TOR4A: variants seen among roughly 807,000 people sequenced by gnomAD.
TOR4A encodes torsin-4A.
A neutral mutation model predicts 11.5 loss-of-function variants in TOR4A; 12 were observed. The observed-to-expected ratio is 1.04, with a 90% CI of 0.67 to 1.69. TOR4A has a LOEUF of 1.69. Ranked by LOEUF, TOR4A falls within the 40% of genes most tolerant of loss-of-function variation. The pLI is 0.00. For synonymous variants in TOR4A, 362 were observed against 307.4 expected, an observed-to-expected ratio of 1.18 and a Z score of -1.86; for missense variants, 640 against 643.2, an observed-to-expected ratio of 0.99 and a Z score of 0.05.
At position 137,282,519 on chromosome 9, in the gene TOR4A, A is replaced by T. The variant is rs1830732959; in HGVS notation, c.*2558A>T. On this transcript the variant is annotated 3_prime_UTR_variant, in exon 2 of 2. Transcript: ENST00000357503. ...CCCGGCCTCTTTTTATTTATTCCTA[A>T]AATATTACCTTGAGGCCAAATTCTG... 1 of 166,898 alleles carries T rather than the reference A, an allele frequency of 6.0e-6. No individual in the cohort carries two copies. The highest frequency in any genetic ancestry group is 6.6e-5 in the Admixed American group (1 of 15,258). The allele number at this position is 166,898 out of a possible 1,614,324, so 10.3% of individuals were successfully genotyped here.
At position 137,279,713 on chromosome 9, in the gene TOR4A, G is replaced by A. The variant is rs372513147; in HGVS notation, c.1024G>A (p.Ala342Thr). The part of the protein sequence containing the change: ...AAAQAEEDLR[A>T]SLLAVLSREH... Reference sequence around the variant, plus strand: ...GGCGCAGGCGGAAGAAGACCTGCGCGCCAGCCTGCTGGCTGTGCTGTCCCG... The same window carrying A: ...GGCGCAGGCGGAAGAAGACCTGCGCACCAGCCTGCTGGCTGTGCTGTCCCG... Residue 342 changes from alanine (A) to threonine (T), a missense_variant, in exon 2 of 2, where the codon GCC becomes ACC. Physicochemically the swap from Ala to Thr is moderately conservative, Grantham distance 58. Coordinates refer to ENST00000357503, the MANE Select transcript of TOR4A (RefSeq NM_017723.3). 2.7e-4 allele frequency: 419 copies of A among 1,573,718 alleles called. 1 individual carries two copies. Among genetic ancestry groups the A allele is most frequent in the Non-Finnish European group, 3.0e-4 (345 of 1,166,406 alleles).
Position 137,280,492 on chromosome 9 carries a change from A to C in TOR4A, c.*531A>C, listed in dbSNP as rs73574789. 3,164 of 168,320 alleles carry C rather than the reference A, an allele frequency of 0.019. 92 individuals are homozygous for C. The highest frequency in any genetic ancestry group is 0.072 in the African/African-American group (2,978 of 41,438). 10.4% of individuals were successfully genotyped at this position (168,320 alleles called of 1,614,324 possible). ...CGTGTTTTCAGGAGCTCAAGGCTGG[A>C]GTGTCTTGACAGTAAGGGGAGGGGA... On this transcript the variant is annotated 3_prime_UTR_variant, in exon 2 of 2. Coordinates refer to ENST00000357503, the MANE Select transcript of TOR4A (RefSeq NM_017723.3).
intron 1 of TOR4A, among the ~76,000 whole-genome samples, chr9:137,278,364 C>T (rs1588194347): frequency 6.6e-6 from 1 of 152,282 alleles, no homozygotes; most frequent in East Asian, 1.9e-4. Flanking sequence ...CCGGGGCGGC[C>T]ACCAGATAAG....
chr9:137,279,763 G>A lies in TOR4A; in HGVS notation c.1074G>A (p.Ala358=). The A allele has an allele frequency of 1.3e-6, 2 of 1,585,102 alleles. No homozygotes were observed. Among genetic ancestry groups the A allele is most frequent in the South Asian group, 1.1e-5 (1 of 88,520 alleles). ...GGGAGCATCCGCTGTGGCAGGCCGCGGCCATCGTGCCGTTTCTGCTGCTGG... is the reference window on the plus strand; with the variant it reads ...GGGAGCATCCGCTGTGGCAGGCCGCAGCCATCGTGCCGTTTCTGCTGCTGG... The part of the protein sequence containing the change: ...LSREHPLWQA[A]AIVPFLLLDK... The change falls in exon 2 of 2, where the codon GCG becomes GCA. Residue 358 remains alanine, a synonymous_variant. Coordinates refer to ENST00000357503, the MANE Select transcript of TOR4A (RefSeq NM_017723.3).
chr9:137,281,210 G>A lies in TOR4A; in HGVS notation c.*1249G>A, dbSNP rs1407046990. The A allele has an allele frequency of 6.0e-5, 10 of 166,034 alleles. No individual in the cohort carries two copies. The highest frequency in any genetic ancestry group is 5.9e-4 in the Admixed American group (9 of 15,284). The allele number at this position is 166,034 out of a possible 1,614,324, so 10.3% of individuals were successfully genotyped here. A position where few individuals can be genotyped will look rare whatever the true frequency, so the allele number is the denominator to read the frequency against. Reference sequence around the variant, plus strand: ...ACCAGTCCCGAAAGGGGCTCAGAGGGCAGCGAGGAGGTTTCACGCCGGTGC... The same window carrying A: ...ACCAGTCCCGAAAGGGGCTCAGAGGACAGCGAGGAGGTTTCACGCCGGTGC... On this transcript the variant is annotated 3_prime_UTR_variant, in exon 2 of 2. Transcript: ENST00000357503.
rs1206156089 is a variant in TOR4A, at chr9:137,279,543, C to T, written c.854C>T (p.Pro285Leu). ...GACGAGCTGCACGGCTTCCTGCAGC[C>T]GCAGCGCTCCCACCACTTCCACAAC... is the stretch of plus-strand genomic sequence containing the variant. ...LLDELHGFLQ[P>L]QRSHHFHNAI... is the part of the protein sequence containing the mutation. The change falls in exon 2 of 2, where the codon CCG (proline) becomes CTG (leucine). Residue 285 changes from proline (P) to leucine (L), a missense_variant. By Grantham distance (98) the Pro-to-Leu change is moderately conservative. Transcript: ENST00000357503. The T allele has an allele frequency of 4.4e-6, 7 of 1,586,982 alleles. No individual in the cohort carries two copies. The highest frequency in any genetic ancestry group is 6.0e-6 in the Non-Finnish European group (7 of 1,170,454).
In TOR4A at chr9:137,279,975, C is replaced by T. The variant is rs113562949; in HGVS notation, c.*14C>T. 1.8e-4 allele frequency: 277 copies of T among 1,555,816 alleles called. 3 individuals carry two copies. In the African/African-American group the frequency reaches 3.0e-3, roughly 17 times the overall value. ...AACCTCCTGTAGTGGAGGCGCAGGA[C>T]GGGACGTTTGGGTTGATGGCGGCAG... is the stretch of plus-strand genomic sequence containing the variant. On this transcript the variant is annotated 3_prime_UTR_variant, in exon 2 of 2. Transcript: ENST00000357503.
Position 137,281,531 on chromosome 9 carries a change from A to G in TOR4A, c.*1570A>G, listed in dbSNP as rs1292985852. Reference sequence around the variant, plus strand: ...CGGGGGCGAGGGCCGTCTAGTGGAGACGGGGATTCAGGCCGCTTGAAAGTC... The same window carrying G: ...CGGGGGCGAGGGCCGTCTAGTGGAGGCGGGGATTCAGGCCGCTTGAAAGTC... On this transcript the variant is annotated 3_prime_UTR_variant, in exon 2 of 2. Coordinates refer to ENST00000357503, the MANE Select transcript of TOR4A (RefSeq NM_017723.3). The G allele has an allele frequency of 1.2e-5, 2 of 161,610 alleles. No homozygotes were observed. The highest frequency in any genetic ancestry group is 1.5e-5 in the Non-Finnish European group (1 of 68,150). 10.0% of individuals were successfully genotyped at this position (161,610 alleles called of 1,614,324 possible). A position where few individuals can be genotyped will look rare whatever the true frequency, so the allele number is the denominator to read the frequency against.
In TOR4A at chr9:137,279,857, C is replaced by G. The variant is rs750784501; in HGVS notation, c.1168C>G (p.Arg390Gly). The change falls in exon 2 of 2, where the codon CGC (arginine) becomes GGC (glycine). Residue 390 changes from arginine to glycine, a missense_variant. Physicochemically the swap from Arg to Gly is moderately radical, Grantham distance 125. Transcript: ENST00000357503. ...TGAGGGCTTCTTTCCTGACCAGGCC[C>G]GCGCGGAGAACCTGGCCGCGCAGCT... The part of the protein sequence containing the change: ...AGEGFFPDQA[R>G]AENLAAQLSF... 2.0e-5 allele frequency: 32 copies of G among 1,589,540 alleles called. No homozygotes were observed. Among genetic ancestry groups the G allele is most frequent in the Non-Finnish European group, 2.6e-5 (30 of 1,171,808 alleles).
At position 137,279,145 on chromosome 9, in the gene TOR4A, G is replaced by A; in HGVS notation, c.456G>A (p.Gly152=). Residue 152 remains glycine, a synonymous_variant, in exon 2 of 2, where the codon GGG becomes GGA. Coordinates refer to ENST00000357503, the MANE Select transcript of TOR4A (RefSeq NM_017723.3). ...ACGCGCAGCGCTATGACCTCGACGG[G>A]CTGGAGAAAGCGCTGCAGCGCGCGG... The part of the protein sequence containing the change: ...DDNAQRYDLD[G]LEKALQRAVF... The A allele has an allele frequency of 6.3e-7, 1 of 1,576,554 alleles. No individual in the cohort carries two copies. The highest frequency in any genetic ancestry group is 8.6e-7 in the Non-Finnish European group (1 of 1,161,594).
In TOR4A at chr9:137,279,408, G is replaced by T. The variant is rs1376416821; in HGVS notation, c.719G>T (p.Arg240Leu). The T allele has an allele frequency of 2.0e-6, 3 of 1,533,842 alleles. No homozygotes were observed. Among genetic ancestry groups the T allele is most frequent in the East Asian group, 2.5e-5 (1 of 40,332 alleles). The change falls in exon 2 of 2, where the codon CGC becomes CTC. Residue 240 changes from arginine (R) to leucine (L), a missense_variant. By Grantham distance (102) the Arg-to-Leu change is moderately radical. Coordinates refer to ENST00000357503, the MANE Select transcript of TOR4A (RefSeq NM_017723.3). ...CPEARAAQDC[R>L]EELARRVADV... ...GAGGCGCGCGCCGCACAGGACTGCC[G>T]CGAGGAGCTGGCGCGGCGCGTGGCC...
rs1371518116 is a variant in TOR4A, at chr9:137,282,403, A to G, written c.*2442A>G. 1 of 157,430 alleles carries G rather than the reference A, an allele frequency of 6.4e-6. No individual in the cohort carries two copies. The highest frequency in any genetic ancestry group is 1.5e-5 in the Non-Finnish European group (1 of 68,034). 9.8% of individuals were successfully genotyped at this position (157,430 alleles called of 1,614,324 possible). A position where few individuals can be genotyped will look rare whatever the true frequency, so the allele number is the denominator to read the frequency against. On this transcript the variant is annotated 3_prime_UTR_variant, in exon 2 of 2. Transcript: ENST00000357503. ...TTGTTGGTAGAGACGGTGATTCACT[A>G]TGTTGGCCAGGCTAGTCACGAACTC...
Position 137,280,040 on chromosome 9 carries a change from C to G in TOR4A, c.*79C>G. 7.0e-7 allele frequency: 1 copy of G among 1,424,632 alleles called. No homozygotes were observed. The highest frequency in any genetic ancestry group is 9.4e-7 in the Non-Finnish European group (1 of 1,065,256). 88.2% of individuals were successfully genotyped at this position (1,424,632 alleles called of 1,614,324 possible). A position where few individuals can be genotyped will look rare whatever the true frequency, so the allele number is the denominator to read the frequency against. The stretch of plus-strand genomic sequence containing the variant: ...GGGACCTTGTGGGCTGGTGCAGGCC[C>G]CTGAGGTTTCTAGTGAATTTGTGGC... On this transcript the variant is annotated 3_prime_UTR_variant, in exon 2 of 2. Transcript: ENST00000357503.
Position 137,279,622 on chromosome 9 carries a change from G to A in TOR4A, c.933G>A (p.Val311=), listed in dbSNP as rs1300808188. The A allele has an allele frequency of 1.9e-6, 3 of 1,562,884 alleles. No homozygotes were observed. Among genetic ancestry groups the A allele is most frequent in the Admixed American group, 1.8e-5 (1 of 55,838 alleles). Residue 311 remains valine (V), a synonymous_variant, in exon 2 of 2, where the codon GTG becomes GTA. Transcript: ENST00000357503. ...GTGGCGCCGAGGTCACGCGCTTCGT[G>A]CTGCAGAACGCGTCCCGCGCGCTGC... ...GAGGAEVTRF[V]LQNASRALPL...
At position 137,281,274 on chromosome 9, in the gene TOR4A, CG is replaced by C; in HGVS notation, c.*1317del. On this transcript the variant is annotated 3_prime_UTR_variant, in exon 2 of 2. Transcript: ENST00000357503. Reference sequence around the variant, plus strand: ...GGTGGGGGCACCGCGAAGGTGGAGGCGGGGCCGCGCCGGAAGCCCCGAGTCG... The same window carrying C: ...GGTGGGGGCACCGCGAAGGTGGAGGCGGGCCGCGCCGGAAGCCCCGAGTCG... 2 of 163,588 alleles carry C rather than the reference CG, an allele frequency of 1.2e-5. No individual in the cohort carries two copies. The allele number at this position is 163,588 out of a possible 1,614,324, so 10.1% of individuals were successfully genotyped here.
At position 137,278,765 on chromosome 9, in the gene TOR4A, G is replaced by A. The variant is rs1192865203; in HGVS notation, c.76G>A (p.Val26Met). ...RASGRCVIAP[V>M]RAVLRLRRRV... ...CTCGGGCCGGTGCGTGATCGCGCCC[G>A]TGCGCGCTGTGCTCCGCCTGCGCCG... is the stretch of plus-strand genomic sequence containing the variant. The change falls in exon 2 of 2, where the codon GTG becomes ATG. Residue 26 changes from valine (V) to methionine (M), a missense_variant. Physicochemically the swap from Val to Met is conservative, Grantham distance 21. Coordinates refer to ENST00000357503, the MANE Select transcript of TOR4A (RefSeq NM_017723.3). 1.4e-6 allele frequency: 2 copies of A among 1,428,596 alleles called. No individual in the cohort carries two copies. Among genetic ancestry groups the A allele is most frequent in the Non-Finnish European group, 1.8e-6 (2 of 1,102,312 alleles). 88.5% of individuals were successfully genotyped at this position (1,428,596 alleles called of 1,614,324 possible).
rs773554521 is a variant in TOR4A at position 137,279,456 on chromosome 9, CGGA to C, written c.772_774del (p.Glu258del). 3.9e-6 allele frequency: 6 copies of C among 1,545,536 alleles called. No individual in the cohort carries two copies. The highest frequency in any genetic ancestry group is 5.2e-6 in the Non-Finnish European group (6 of 1,145,888). Reference sequence around the variant, plus strand: ...GCCGACGTGGTGGCGCGGGCCGAAGCGGAGGAGAAGACCCCACTCTTGGTGCTG... The same window carrying C: ...GCCGACGTGGTGGCGCGGGCCGAAGCGGAGAAGACCCCACTCTTGGTGCTG... On this transcript the variant is annotated inframe_deletion, in exon 2 of 2. Coordinates refer to ENST00000357503, the MANE Select transcript of TOR4A (RefSeq NM_017723.3).
chr9:137,278,487 C>A (rs1055699999), intron 1 of TOR4A, among the ~76,000 whole-genome samples, 166 bp from the exon 2 acceptor site: 1 of 149,212 alleles, frequency 6.7e-6, no homozygotes, highest in Non-Finnish European at 1.5e-5. Context: ...GGGTCGCTTG[C>A]CGGTCTGAGG....
In TOR4A at chr9:137,279,763, G is replaced by T; in HGVS notation, c.1074G>T (p.Ala358=). 6.3e-7 allele frequency: 1 copy of T among 1,585,102 alleles called. No homozygotes were observed. Among genetic ancestry groups the T allele is most frequent in the East Asian group, 2.3e-5 (1 of 43,978 alleles). The change falls in exon 2 of 2, where the codon GCG becomes GCT. Residue 358 remains alanine, a synonymous_variant. Transcript: ENST00000357503. ...GGGAGCATCCGCTGTGGCAGGCCGC[G>T]GCCATCGTGCCGTTTCTGCTGCTGG... ...LSREHPLWQA[A]AIVPFLLLDK...
Sources: gnomAD v4.1 joint callset for allele counts (sites outside exome capture counted in the v4.1 genomes callset) on GRCh38, gnomAD v4.1.1 for gene constraint, MANE v1.5 for transcripts, NCBI Gene and HGNC (gene_info 2026-07-23, HGNC 2026-07-21) for gene names.